SGMS1: variants seen among roughly 807,000 people sequenced by gnomAD.
SGMS1 encodes phosphatidylcholine:ceramide cholinephosphotransferase 1.
SGMS1 carries 13 observed loss-of-function variants against 46.2 expected under a neutral mutation model. The ratio of observed to expected loss-of-function variants is 0.28; its 90% CI spans 0.18 to 0.45. The LOEUF is 0.45. Ranked by LOEUF, SGMS1 falls within the 20% of genes least tolerant of loss-of-function variation. SGMS1 has a pLI of 1.00. For synonymous variants in SGMS1, 203 were observed against 187.8 expected, an observed-to-expected ratio of 1.08 and a Z score of -0.66; for missense variants, 324 against 519.9, an observed-to-expected ratio of 0.62 and a Z score of 3.66.
rs561313948 is a variant in SGMS1, at chr10:50,498,362, T to A, written c.-498+21469A>T. Among the ~76,000 whole-genome samples, 447 of 152,344 alleles carry A rather than the reference T, an allele frequency of 2.9e-3. 2 individuals carry two copies. The highest frequency in any genetic ancestry group is 0.01 in the African/African-American group (431 of 41,578). ...ATTTATCACCTTAATCATTTTTAAG[T>A]ATATAGTTTTATGGCTTTAAGTACA... On this transcript the variant is annotated intron_variant, in intron 3 of 10. Coordinates refer to ENST00000361781, the MANE Select transcript of SGMS1 (RefSeq NM_147156.4).
At chr10:50,336,418 G>C (rs1000578272) in intron 7 of SGMS1, among the ~76,000 whole-genome samples, 1 of 152,190 alleles carries the variant, frequency 6.6e-6, no homozygotes, top group Non-Finnish European at 1.5e-5. Context: ...CAGATTAGTA[G>C]TGAGTAGGGC....
In SGMS1 at chr10:50,365,255, C is replaced by CAAAAAAAAAAAAAAAAAAAAAAA. The variant is rs67951872; in HGVS notation, c.-231-20933_-231-20911dup. Among the ~76,000 whole-genome samples, 79 of 45,028 alleles carry CAAAAAAAAAAAAAAAAAAAAAAA rather than the reference C, an allele frequency of 1.8e-3. 3 individuals carry two copies. The highest frequency in any genetic ancestry group is 4.1e-3 in the South Asian group (3 of 736). The allele number at this position is 45,028 out of a possible 152,430, so 29.5% of individuals were successfully genotyped here. On this transcript the variant is annotated intron_variant, in intron 6 of 10. Transcript: ENST00000361781. ...GCGACGGAGTGAGACTCCATCTCAC[C>CAAAAAAAAAAAAAAAAAAAAAAA]AAAAAAAAAAAAAAAAAAAAAAAGC...
chr10:50,485,321 T>C (rs1837510956), intron 3 of SGMS1, among the ~76,000 whole-genome samples: 2 of 152,064 alleles, frequency 1.3e-5, no homozygotes, highest in Non-Finnish European at 2.9e-5. Flanking sequence ...ATAAAATACC[T>C]AGGAATACAG....
At chr10:50,452,688 A>G (rs1837126956) in intron 5 of SGMS1, among the ~76,000 whole-genome samples, 2 of 152,212 alleles carry the variant, frequency 1.3e-5, no homozygotes, top group African/African-American at 4.8e-5. Context: ...GAGAGAAAAG[A>G]TAAAACCAGG....
At chr10:50,623,087 G>A (rs1206952746) in intron 1 of SGMS1, among the ~76,000 whole-genome samples, 1 of 152,066 alleles carries the variant, frequency 6.6e-6, no homozygotes, top group Non-Finnish European at 1.5e-5. Context: ...CTGGCGGGCT[G>A]TTACGCGGCC....
At chr10:50,494,843 C>T (rs1044542825) in intron 3 of SGMS1, among the ~76,000 whole-genome samples, 3 of 151,576 alleles carry the variant, frequency 2.0e-5, no homozygotes, top group South Asian at 2.1e-4. Context: ...GAGACCATCC[C>T]GGCTAAAACG....
At chr10:50,593,637 T>C (rs1221680372) in intron 1 of SGMS1, among the ~76,000 whole-genome samples, 2 of 152,144 alleles carry the variant, frequency 1.3e-5, no homozygotes, top group African/African-American at 4.8e-5. Context: ...CTCCTCTTTA[T>C]GGTTTTGCCA....
intron 6 of SGMS1, among the ~76,000 whole-genome samples, chr10:50,416,099 TG>T (rs1331217080): frequency 2.0e-4 from 31 of 152,186 alleles, no homozygotes; most frequent in Admixed American, 1.4e-3. Context: ...CATAATTCCT[TG>T]AACTTTGATA....
chr10:50,604,679 T>C (rs1171532024), intron 1 of SGMS1, among the ~76,000 whole-genome samples: 1 of 152,176 alleles, frequency 6.6e-6, no homozygotes, highest in African/African-American at 2.4e-5. Context: ...GTATTAAACA[T>C]GTGTGTTTAC....
rs927788141 is a variant in SGMS1, at chr10:50,466,928, C to T, written c.-493G>A. The T allele has an allele frequency of 3.3e-5, 5 of 152,018 alleles. No individual in the cohort carries two copies. The highest frequency in any genetic ancestry group is 5.9e-5 in the Non-Finnish European group (4 of 67,978). The allele number at this position is 152,018 out of a possible 1,614,324, so 9.4% of individuals were successfully genotyped here. On this transcript the variant is annotated 5_prime_UTR_variant, in exon 4 of 11. Transcript: ENST00000361781. Reference sequence around the variant, plus strand: ...TTATTTTTCTTCATCAGTCTTCTTTCCAATCTAGAAGAAGTAATAAGTAAA... The same window carrying T: ...TTATTTTTCTTCATCAGTCTTCTTTTCAATCTAGAAGAAGTAATAAGTAAA...
At chr10:50,615,638 C>T (rs1455405070) in intron 1 of SGMS1, among the ~76,000 whole-genome samples, 1 of 152,214 alleles carries the variant, frequency 6.6e-6, no homozygotes, top group African/African-American at 2.4e-5. Context: ...TCACCAATCC[C>T]ACAGCACTGA....
intron 2 of SGMS1, among the ~76,000 whole-genome samples, chr10:50,560,310 C>CATATTATTAATATTATATATTATTA (rs1425637171): frequency 5.1e-5 from 7 of 136,036 alleles, no homozygotes; most frequent in Non-Finnish European, 9.1e-5. Context: ...GCATATATTA[C>CATATTATTAATATTATATATTATTA]ATATTATTAA....
At chr10:50,508,104 G>A (rs1476170433) in intron 3 of SGMS1, among the ~76,000 whole-genome samples, 1 of 152,196 alleles carries the variant, frequency 6.6e-6, no homozygotes, top group Non-Finnish European at 1.5e-5. Flanking sequence ...CTCCCCAAAG[G>A]TGCTGTGTGA....
chr10:50,436,455 A>G (rs898231631), intron 5 of SGMS1, among the ~76,000 whole-genome samples: 1 of 152,184 alleles, frequency 6.6e-6, no homozygotes, highest in Non-Finnish European at 1.5e-5. Flanking sequence ...TTATAAGGTG[A>G]TTGCGATGAA....
intron 6 of SGMS1, among the ~76,000 whole-genome samples, chr10:50,432,110 T>C (rs1288520800): frequency 1.3e-5 from 2 of 152,182 alleles, no homozygotes; most frequent in East Asian, 3.8e-4. Context: ...TAAAGAATTG[T>C]GGCTTAGAAA....
chr10:50,449,609 C>T (rs1257760458), intron 5 of SGMS1, among the ~76,000 whole-genome samples: 2 of 151,388 alleles, frequency 1.3e-5, no homozygotes, highest in Non-Finnish European at 2.9e-5. Flanking sequence ...TCAATGAGGG[C>T]TTCCTGGCTT....
intron 5 of SGMS1, among the ~76,000 whole-genome samples, chr10:50,449,438 T>C (rs1344798287): frequency 6.6e-6 from 1 of 152,148 alleles, no homozygotes; most frequent in African/African-American, 2.4e-5. Context: ...TTATGAACTA[T>C]GTAGTCTTAG....
At chr10:50,487,137 A>G (rs188266613) in intron 3 of SGMS1, among the ~76,000 whole-genome samples, 63 of 152,314 alleles carry the variant, frequency 4.1e-4, no homozygotes, top group African/African-American at 1.4e-3. Flanking sequence ...GTGGGGAACA[A>G]CAGACACCAG....
chr10:50,385,773 T>G (rs1001168032), intron 6 of SGMS1, among the ~76,000 whole-genome samples: 3 of 152,180 alleles, frequency 2.0e-5, no homozygotes, highest in Non-Finnish European at 2.9e-5. Context: ...CTCTCTTGTT[T>G]CATTTTATTT....
Sources: allele counts gnomAD v4.1 joint callset (sites outside exome capture counted in the v4.1 genomes callset), GRCh38; gene constraint gnomAD v4.1.1; transcripts MANE v1.5; gene names NCBI Gene and HGNC (gene_info 2026-07-23, HGNC 2026-07-21).